LTBP1: variants seen among roughly 807,000 people sequenced by gnomAD.
LTBP1 encodes the protein latent transforming growth factor beta binding protein 1, also known as latent-transforming growth factor beta-binding protein 1.
LTBP1 carries 129 observed loss-of-function variants against 207.6 expected under a neutral mutation model. That is an observed-to-expected ratio of 0.62 (90% CI 0.54 to 0.72). The LOEUF (loss-of-function observed/expected upper bound fraction) is 0.72. LTBP1 is among the 30% of genes least tolerant of loss of function. The pLI is 0.00. For synonymous variants in LTBP1, 963 were observed against 833.7 expected (o/e 1.16, Z -2.67); for missense variants, 2,281 against 2,217.2 (o/e 1.03, Z -0.58).
At chr2:33,270,644 G>A (rs1439423148) in intron 15 of LTBP1, among the ~76,000 whole-genome samples, 1 of 151,700 alleles carries the variant, frequency 6.6e-6, no homozygotes, top group Non-Finnish European at 1.5e-5. Flanking sequence ...GGATGGAAGG[G>A]ATCTCTGAGG....
At chr2:33,255,895 C>T (rs2092835104) in intron 11 of LTBP1, among the ~76,000 whole-genome samples, 1 of 151,960 alleles carries the variant, frequency 6.6e-6, no homozygotes, top group Non-Finnish European at 1.5e-5. Flanking sequence ...AAAAGTTAAC[C>T]ATAAGCTCCT....
chr2:32,972,117 G>T lies in LTBP1; in HGVS notation c.565+23172G>T, dbSNP rs370057961. ...GTTTGCAAGAGTCTCTGAGTTTTTTGTTTTTTTTTTTCTGTGGATTCAGTG... is the reference window on the plus strand; with the variant it reads ...GTTTGCAAGAGTCTCTGAGTTTTTTTTTTTTTTTTTTCTGTGGATTCAGTG... On this transcript the variant is annotated intron_variant, in intron 2 of 33. Transcript: ENST00000404816. Among the ~76,000 whole-genome samples, 81 of 124,254 alleles carry T rather than the reference G, an allele frequency of 6.5e-4. No individual in the cohort carries two copies. In the South Asian group the frequency reaches 7.5e-3, roughly 11 times the overall value. The allele number at this position is 124,254 out of a possible 152,430, so 81.5% of individuals were successfully genotyped here.
chr2:33,257,526 G>A lies in LTBP1; in HGVS notation c.2395+15G>A, dbSNP rs1482534604. Reference sequence around the variant, plus strand: ...GGAGCCAGAAGGTGAGAGCGGTAATGGATCATGGACTCTAGACATCTATCT... The same window carrying A: ...GGAGCCAGAAGGTGAGAGCGGTAATAGATCATGGACTCTAGACATCTATCT... On this transcript the variant is annotated intron_variant, in intron 12 of 33. Transcript: ENST00000404816. 8 of 1,599,634 alleles carry A rather than the reference G, an allele frequency of 5.0e-6. No individual in the cohort carries two copies. Among genetic ancestry groups the A allele is most frequent in the Non-Finnish European group, 6.9e-6 (8 of 1,167,290 alleles).
At chr2:33,320,449 G>A (rs1428099230) in intron 24 of LTBP1, among the ~76,000 whole-genome samples, 2 of 151,878 alleles carry the variant, frequency 1.3e-5, no homozygotes, top group Non-Finnish European at 2.9e-5. Flanking sequence ...CTGAAGGGTA[G>A]AGAAAGAAGT....
intron 22 of LTBP1, among the ~76,000 whole-genome samples, chr2:33,303,644 C>G (rs911014170): frequency 2.6e-5 from 4 of 152,174 alleles, no homozygotes; most frequent in Non-Finnish European, 5.9e-5. Flanking sequence ...GCCACCGCAC[C>G]TGGCCTGCAT....
intron 24 of LTBP1, among the ~76,000 whole-genome samples, chr2:33,319,336 T>G (rs2094319430): frequency 6.6e-6 from 1 of 151,666 alleles, no homozygotes; most frequent in African/African-American, 2.4e-5. Context: ...AGGCAGAGGT[T>G]GTAGTGAGCC....
intron 6 of LTBP1, among the ~76,000 whole-genome samples, chr2:33,187,645 A>G (rs2087355069): frequency 6.6e-6 from 1 of 152,234 alleles, no homozygotes; most frequent in South Asian, 2.1e-4. Flanking sequence ...GGAATCATAG[A>G]AGTTTACTGG....
chr2:33,285,612 C>A (rs1162933099), intron 19 of LTBP1, among the ~76,000 whole-genome samples: 1 of 151,810 alleles, frequency 6.6e-6, no homozygotes. Context: ...TTATGCCCGG[C>A]TAATTTTTGT....
rs142980733 is a variant in LTBP1 at position 33,272,732 on chromosome 2, C to G, written c.2618-924C>G. 2.2e-3 allele frequency among the ~76,000 whole-genome samples: 334 copies of G among 152,342 alleles called. 1 individual carries two copies. The highest frequency in any genetic ancestry group is 3.8e-3 in the Non-Finnish European group (259 of 68,036). Reference sequence around the variant, plus strand: ...GCAGCAGCATTTGTGCCTGCACTGTCTTCAAGCCAGTGCTTCTAACCACCA... The same window carrying G: ...GCAGCAGCATTTGTGCCTGCACTGTGTTCAAGCCAGTGCTTCTAACCACCA... On this transcript the variant is annotated intron_variant, in intron 15 of 33. Transcript: ENST00000404816.
At chr2:33,219,385 AG>A (rs1558834968) in intron 8 of LTBP1, among the ~76,000 whole-genome samples, 1 of 152,176 alleles carries the variant, frequency 6.6e-6, no homozygotes, top group Non-Finnish European at 1.5e-5. Flanking sequence ...ACCTGACCAA[AG>A]GGATAGCTAT....
chr2:33,127,508 CT>C (rs1440531178), intron 4 of LTBP1, among the ~76,000 whole-genome samples: 1 of 152,142 alleles, frequency 6.6e-6, no homozygotes, highest in Non-Finnish European at 1.5e-5. Context: ...CATACCAGGC[CT>C]CTTCATTTCC....
chr2:33,375,589 ACG>A (rs1262352310), intron 31 of LTBP1, among the ~76,000 whole-genome samples: 2 of 152,038 alleles, frequency 1.3e-5, no homozygotes, highest in Non-Finnish European at 2.9e-5. Flanking sequence ...GTGCAGTGGC[ACG>A]ATCTCGGCTC....
chr2:33,163,031 C>T, intron 5 of LTBP1, among the ~76,000 whole-genome samples: 1 of 152,222 alleles, frequency 6.6e-6, no homozygotes, highest in Admixed American at 6.5e-5. Context: ...ACCCAGGCTA[C>T]AGTGCAGTGG....
At chr2:33,313,005 G>A (rs2094209619) in intron 23 of LTBP1, among the ~76,000 whole-genome samples, 1 of 152,104 alleles carries the variant, frequency 6.6e-6, no homozygotes, top group Admixed American at 6.5e-5. Flanking sequence ...GTGGATCTGA[G>A]GACCAAAAGG....
intron 24 of LTBP1, among the ~76,000 whole-genome samples, chr2:33,324,787 C>T (rs1296304777): frequency 2.0e-5 from 3 of 150,292 alleles, no homozygotes; most frequent in Non-Finnish European, 4.4e-5. Context: ...CTGCAACCTC[C>T]GCTTCCTGGG....
intron 26 of LTBP1, among the ~76,000 whole-genome samples, chr2:33,353,986 A>T (rs956901893): frequency 2.0e-5 from 3 of 151,588 alleles, no homozygotes; most frequent in Non-Finnish European, 4.4e-5. Flanking sequence ...CAGCCTCCCG[A>T]GTAGCTGGGA....
intron 4 of LTBP1, among the ~76,000 whole-genome samples, chr2:33,124,070 T>C (rs745961144): frequency 3.9e-5 from 6 of 152,242 alleles, no homozygotes; most frequent in Non-Finnish European, 8.8e-5. Context: ...AAATTTGTTA[T>C]GTGACTATAG....
chr2:33,104,560 T>G (rs1050933261), intron 3 of LTBP1, among the ~76,000 whole-genome samples: 6 of 152,218 alleles, frequency 3.9e-5, no homozygotes, highest in African/African-American at 9.6e-5. Flanking sequence ...CTAGAAACTT[T>G]CTTCCACTTA....
chr2:33,078,857 CTTTTCTTTT>C (rs1339793047), intron 3 of LTBP1, among the ~76,000 whole-genome samples: 2 of 92,158 alleles, frequency 2.2e-5, no homozygotes, highest in Non-Finnish European at 4.5e-5. Flanking sequence ...CTTTTCTTTT[CTTTTCTTTT>C]TTTTTTTTTT....
Sources: allele counts gnomAD v4.1 joint callset (sites outside exome capture counted in the v4.1 genomes callset), GRCh38; gene constraint gnomAD v4.1.1; transcripts MANE v1.5; gene names NCBI Gene and HGNC (gene_info 2026-07-23, HGNC 2026-07-21).